Variants in NUDT18 observed in about 807,000 individuals in gnomAD.
The protein encoded by NUDT18 is 8-oxo-dGDP phosphatase NUDT18.
In NUDT18, 26 loss-of-function variants were observed where a neutral mutation model predicts 27.6. The ratio of observed to expected loss-of-function variants is 0.94; its 90% CI spans 0.69 to 1.31. The LOEUF (loss-of-function observed/expected upper bound fraction) is 1.31, where lower values mean the gene tolerates loss of function less well. Ranked by LOEUF, NUDT18 falls within the 50% of genes most tolerant of loss-of-function variation. NUDT18 has a pLI of 0.00. For synonymous variants in NUDT18, 220 were observed against 196.9 expected, an observed-to-expected ratio of 1.12 and a Z score of -0.98; for missense variants, 450 against 433.4, an observed-to-expected ratio of 1.04 and a Z score of -0.34.
In NUDT18 at chr8:22,109,311, G is replaced by A. The variant is rs1358697526; in HGVS notation, c.-11C>T. 6.0e-6 allele frequency: 8 copies of A among 1,343,296 alleles called. No individual in the cohort carries two copies. The highest frequency in any genetic ancestry group is 1.9e-5 in the South Asian group (1 of 52,380). The allele number at this position is 1,343,296 out of a possible 1,614,324, so 83.2% of individuals were successfully genotyped here. ...GCCCTCCGAGGCCATCGGGTCCCCC[G>A]GGGGGCGGCGGGCCGGATCCTCGCA... On this transcript the variant is annotated 5_prime_UTR_variant, in exon 1 of 3. Transcript: ENST00000611621.
rs563399448 is a variant in NUDT18 at position 22,109,413 on chromosome 8, T to G, written c.-113A>C. The G allele has an allele frequency of 1.2e-5, 4 of 347,360 alleles. No homozygotes were observed. The highest frequency in any genetic ancestry group is 1.7e-5 in the Non-Finnish European group (4 of 241,376). The allele number at this position is 347,360 out of a possible 1,614,324, so 21.5% of individuals were successfully genotyped here. ...GTCCCTGCGGCAGCGGGCCGGGAGCTCACGAGAACGCGGAAGCGCACGCGA... is the reference window on the plus strand; with the variant it reads ...GTCCCTGCGGCAGCGGGCCGGGAGCGCACGAGAACGCGGAAGCGCACGCGA... On this transcript the variant is annotated 5_prime_UTR_variant, in exon 1 of 3. Transcript: ENST00000611621.
chr8:22,108,063 T>C (rs543179482), intron 2 of NUDT18, 70 bp downstream of exon 2: 11 of 1,414,864 alleles, frequency 7.8e-6, no homozygotes, highest in African/African-American at 1.4e-5. Flanking sequence ...GTAGAGGGGC[T>C]CACCTCACCG....
Position 22,107,338 on chromosome 8 carries a change from G to T in NUDT18, c.934C>A (p.Arg312=), listed in dbSNP as rs776397436. The T allele has an allele frequency of 1.9e-6, 3 of 1,612,112 alleles. No homozygotes were observed. The highest frequency in any genetic ancestry group is 2.5e-6 in the Non-Finnish European group (3 of 1,179,132). ...GGGACAACAGAGGATCCCTGAAGCC[G>T]CTGGAGGAGCTGGCTTTGCAGGTCT... ...EEDLQSQLLQ[R]LQGSSVVPVN... Residue 312 remains arginine (R), a synonymous_variant, in exon 3 of 3, where the codon CGG becomes AGG. Coordinates refer to ENST00000611621, the MANE Select transcript of NUDT18 (RefSeq NM_024815.4).
upstream of NUDT18, chr8:22,109,455 G>T: frequency 1.6e-6 from 1 of 626,408 alleles, no homozygotes; most frequent in South Asian, 2.8e-5. Context: ...AAGCGCACGC[G>T]AGCTCTGGCC....
chr8:22,108,119 C>G lies in NUDT18; in HGVS notation c.376+14G>C, dbSNP rs1826399097. On this transcript the variant is annotated intron_variant, in intron 2 of 2. Coordinates refer to ENST00000611621, the MANE Select transcript of NUDT18 (RefSeq NM_024815.4). ...CAACTGGCCCTGTTCACACTGCCTC[C>G]AGGTGGGCCATACCTGTGGGGCGAG... 3 of 1,490,852 alleles carry G rather than the reference C, an allele frequency of 2.0e-6. No individual in the cohort carries two copies. 92.4% of individuals were successfully genotyped at this position (1,490,852 alleles called of 1,614,324 possible).
At chr8:22,109,595 C>T, upstream of NUDT18, 1 of 509,996 alleles carries the variant, frequency 2.0e-6, no homozygotes, top group Non-Finnish European at 3.8e-6. Flanking sequence ...GGACCCCGCC[C>T]GGCTTCTGCC....
Position 22,108,348 on chromosome 8 carries a change from TGA to T in NUDT18, c.163-4_163-3del. On this transcript the variant is annotated splice_region_variant and splice_polypyrimidine_tract_variant and intron_variant, in intron 1 of 2. Coordinates refer to ENST00000611621, the MANE Select transcript of NUDT18 (RefSeq NM_024815.4). ...CTCCTGGATCAGTAGCACCTCATCCTGAGAGGAGAGAGGATCCTCACTTCCTG... is the reference window on the plus strand; with the variant it reads ...CTCCTGGATCAGTAGCACCTCATCCTGAGGAGAGAGGATCCTCACTTCCTG... 1 of 1,565,146 alleles carries T rather than the reference TGA, an allele frequency of 6.4e-7. No homozygotes were observed. Among genetic ancestry groups the T allele is most frequent in the Non-Finnish European group, 8.6e-7 (1 of 1,156,880 alleles).
rs1284693859 is a variant in NUDT18 at position 22,109,129 on chromosome 8, G to A, written c.162+10C>T. On this transcript the variant is annotated intron_variant, in intron 1 of 2. Transcript: ENST00000611621. ...CCCGAGGCCCGGCGGGCCCGGGGGC[G>A]GCCGCTCACCTGCTCGCTGAGGAAC... is the stretch of plus-strand genomic sequence containing the variant. The A allele has an allele frequency of 1.4e-6, 2 of 1,411,326 alleles. No homozygotes were observed. The highest frequency in any genetic ancestry group is 1.5e-5 in the South Asian group (1 of 67,998). The allele number at this position is 1,411,326 out of a possible 1,614,324, so 87.4% of individuals were successfully genotyped here.
Position 22,109,388 on chromosome 8 carries a change from G to GTCCCTGCGGAGCCCGCTCCCAT in NUDT18, c.-89_-88insATGGGAGCGGGCTCCGCAGGGA. 8.1e-7 allele frequency: 1 copy of GTCCCTGCGGAGCCCGCTCCCAT among 1,241,702 alleles called. No homozygotes were observed. The highest frequency in any genetic ancestry group is 1.0e-6 in the Non-Finnish European group (1 of 966,582). 76.9% of individuals were successfully genotyped at this position (1,241,702 alleles called of 1,614,324 possible). A position where few individuals can be genotyped will look rare whatever the true frequency, so the allele number is the denominator to read the frequency against. On this transcript the variant is annotated 5_prime_UTR_variant, in exon 1 of 3. It adds an upstream start codon to the 5' untranslated region. Coordinates refer to ENST00000611621, the MANE Select transcript of NUDT18 (RefSeq NM_024815.4). Reference sequence around the variant, plus strand: ...GAGTGCGCTGCGGAGCCCGCTCCCAGTCCCTGCGGCAGCGGGCCGGGAGCT... The same window carrying GTCCCTGCGGAGCCCGCTCCCAT: ...GAGTGCGCTGCGGAGCCCGCTCCCAGTCCCTGCGGAGCCCGCTCCCATTCCCTGCGGCAGCGGGCCGGGAGCT...
rs1014482352 is a variant in NUDT18 at position 22,107,213 on chromosome 8, C to T, written c.*87G>A. 9.8e-6 allele frequency: 10 copies of T among 1,015,510 alleles called. No homozygotes were observed. Among genetic ancestry groups the T allele is most frequent in the South Asian group, 3.4e-5 (2 of 59,258 alleles). 62.9% of individuals were successfully genotyped at this position (1,015,510 alleles called of 1,614,324 possible). ...CTCCCAATGCAACAAGATCCCTGAT[C>T]GCCAGCCTCTTGCCTCCCTCAGAGG... On this transcript the variant is annotated 3_prime_UTR_variant, in exon 3 of 3. Coordinates refer to ENST00000611621, the MANE Select transcript of NUDT18 (RefSeq NM_024815.4).
Position 22,108,311 on chromosome 8 carries a change from C to T in NUDT18, c.198G>A (p.Glu66=), listed in dbSNP as rs778649091. The T allele has an allele frequency of 6.3e-7, 1 of 1,587,318 alleles. No individual in the cohort carries two copies. The highest frequency in any genetic ancestry group is 8.6e-7 in the Non-Finnish European group (1 of 1,168,474). The change falls in exon 2 of 3, where the codon GAG becomes GAA. Residue 66 remains glutamate, a synonymous_variant. Coordinates refer to ENST00000611621, the MANE Select transcript of NUDT18 (RefSeq NM_024815.4). ...EVLLIQEAKR[E]CRGSWYLPAG... Reference sequence around the variant, plus strand: ...CAGGCAGGTACCACGACCCCCGGCACTCCCTCTTGGCCTCCTGGATCAGTA... The same window carrying T: ...CAGGCAGGTACCACGACCCCCGGCATTCCCTCTTGGCCTCCTGGATCAGTA...
chr8:22,109,433 A>T, upstream of NUDT18: 1 of 517,776 alleles, frequency 1.9e-6, no homozygotes, highest in East Asian at 4.4e-5. Flanking sequence ...GCGGAAGCGC[A>T]CGCGAACGCG....
At chr8:22,109,581 C>A (rs777887173), upstream of NUDT18, 86 of 524,840 alleles carry the variant, frequency 1.6e-4, no homozygotes, top group Middle Eastern at 7.8e-4. Context: ...GTCCGGAGCC[C>A]AGCGGACCCC....
upstream of NUDT18, chr8:22,109,506 C>T (rs546407495): frequency 2.3e-4 from 107 of 470,002 alleles, no homozygotes; most frequent in African/African-American, 2.2e-3. Flanking sequence ...CCGGATTGGC[C>T]GGCCCGCGGC....
upstream of NUDT18, among the ~76,000 whole-genome samples, chr8:22,110,425 C>A (rs897592978): frequency 2.0e-5 from 3 of 152,274 alleles, no homozygotes; most frequent in African/African-American, 7.2e-5. Context: ...AGAGGCCACC[C>A]CTTTCCTCTG....
In NUDT18 at chr8:22,107,186, T is replaced by C. The variant is rs1826378744; in HGVS notation, c.*114A>G. ...TCCTGGGGACCAGGAGAGCCGCCCCTGCTCCCAATGCAACAAGATCCCTGA... is the reference window on the plus strand; with the variant it reads ...TCCTGGGGACCAGGAGAGCCGCCCCCGCTCCCAATGCAACAAGATCCCTGA... On this transcript the variant is annotated 3_prime_UTR_variant, in exon 3 of 3. Transcript: ENST00000611621. 8 of 768,264 alleles carry C rather than the reference T, an allele frequency of 1.0e-5. No homozygotes were observed. Among genetic ancestry groups the C allele is most frequent in the Non-Finnish European group, 1.7e-5 (8 of 480,246 alleles). 47.6% of individuals were successfully genotyped at this position (768,264 alleles called of 1,614,324 possible).
At chr8:22,108,002 A>C in intron 2 of NUDT18, 107 bp from the exon 3 acceptor site, 2 of 1,348,524 alleles carry the variant, frequency 1.5e-6, no homozygotes. Context: ...CCCCAGCCCA[A>C]AGGCTGGAAT....
chr8:22,109,745 G>C (rs1401153078), upstream of NUDT18: 2 of 457,500 alleles, frequency 4.4e-6, no homozygotes, highest in East Asian at 1.4e-4. Context: ...GGTAGGCGAC[G>C]GTGACGCGAC....
intron 1 of NUDT18, 48 bp from the exon 2 acceptor site, chr8:22,108,394 C>G (rs1318234708): frequency 6.7e-7 from 1 of 1,503,730 alleles, no homozygotes; most frequent in East Asian, 2.5e-5. Flanking sequence ...TTCCCTCGCC[C>G]CGGGACCAGG....
Sources: gnomAD v4.1 joint callset for allele counts (sites outside exome capture counted in the v4.1 genomes callset) on GRCh38, gnomAD v4.1.1 for gene constraint, MANE v1.5 for transcripts, NCBI Gene and HGNC (gene_info 2026-07-23, HGNC 2026-07-21) for gene names.